Variants in FGR observed in about 807,000 individuals in gnomAD.
FGR encodes tyrosine-protein kinase Fgr.
FGR carries 26 observed loss-of-function variants against 63.2 expected under a neutral mutation model. The observed-to-expected ratio is 0.41, with a 90% CI of 0.30 to 0.57. The LOEUF (loss-of-function observed/expected upper bound fraction) is 0.57. FGR is among the 20% of genes least tolerant of loss of function. FGR has a pLI of 0.27. For missense variants in FGR, 511 were observed against 690.8 expected, an observed-to-expected ratio of 0.74 and a Z score of 2.92; for synonymous variants, 286 against 277.7, an observed-to-expected ratio of 1.03 and a Z score of -0.30.
At chr1:27,628,454 T>C (rs2090056689) in intron 1 of FGR, among the ~76,000 whole-genome samples, 2 of 151,190 alleles carry the variant, frequency 1.3e-5, no homozygotes, top group Non-Finnish European at 2.9e-5. Context: ...GATGCAGCCA[T>C]TCCTGCTAGC....
At chr1:27,625,944 C>T (rs2090014640) in intron 1 of FGR, 1 of 380,142 alleles carries the variant, frequency 2.6e-6, no homozygotes, top group Non-Finnish European at 4.7e-6. Context: ...ATCTCAAAAA[C>T]AAACAAACAA....
At chr1:27,634,001 T>C (rs2090141919) in intron 1 of FGR, among the ~76,000 whole-genome samples, 1 of 152,230 alleles carries the variant, frequency 6.6e-6, no homozygotes, top group South Asian at 2.1e-4. Flanking sequence ...CCAGTCTTGC[T>C]AAGAACCCAG....
chr1:27,613,606 G>A (rs111706829), intron 11 of FGR, among the ~76,000 whole-genome samples: 14,240 of 151,230 alleles, frequency 0.094, 2,270 homozygotes, highest in African/African-American at 0.33. Flanking sequence ...GGGAGGCTGC[G>A]GCAGGAGAAT....
rs1364013371 is a variant in FGR at position 27,615,097 on chromosome 1, G to A, written c.1019-171C>T. 6.9e-6 allele frequency among the ~76,000 whole-genome samples: 1 copy of A among 145,290 alleles called. No individual in the cohort carries two copies. Among genetic ancestry groups the A allele is most frequent in the African/African-American group, 2.5e-5 (1 of 39,442 alleles). On this transcript the variant is annotated intron_variant, in intron 9 of 12. Coordinates refer to ENST00000374005, the MANE Select transcript of FGR (RefSeq NM_005248.3). The surrounding 1 kb of genome is among the most constrained non-coding windows in gnomAD (Gnocchi z 7.6). ...TCGTCCTGGCCCTGCTGCCAGACAC[G>A]GACTCTGCCCACATCTCGTTTCTTC...
At chr1:27,622,041 G>A (rs977145441) in intron 4 of FGR, among the ~76,000 whole-genome samples, 1 of 152,134 alleles carries the variant, frequency 6.6e-6, no homozygotes, top group Non-Finnish European at 1.5e-5. Flanking sequence ...ACCAGGTGTG[G>A]TGGCTCATGC....
At chr1:27,619,127 G>A (rs2089872650) in intron 5 of FGR, among the ~76,000 whole-genome samples, 1 of 152,036 alleles carries the variant, frequency 6.6e-6, no homozygotes, top group South Asian at 2.1e-4. Context: ...GGGGTCCTAG[G>A]GCCAACCTTT....
At position 27,613,312 on chromosome 1, in the gene FGR, C is replaced by G. The variant is rs759921948; in HGVS notation, c.1288G>C (p.Ala430Pro). ...FPIKWTAPEA[A>P]LFGRFTIKSD... ...TTGATGGTGAATCTGCCAAAGAGGG[C>G]AGCTTCTGGGGCTGTCCACTTGATG... The change falls in exon 12 of 13, where the codon GCC becomes CCC. Residue 430 changes from alanine (A) to proline (P), a missense_variant. By Grantham distance (27) the Ala-to-Pro change is conservative. Transcript: ENST00000374005. 1 of 1,614,116 alleles carries G rather than the reference C, an allele frequency of 6.2e-7. No individual in the cohort carries two copies. Among genetic ancestry groups the G allele is most frequent in the Non-Finnish European group, 8.5e-7 (1 of 1,180,004 alleles).
chr1:27,623,830 C>T lies in FGR; in HGVS notation c.87G>A (p.Gly29=). The T allele has an allele frequency of 6.2e-7, 1 of 1,614,154 alleles. No homozygotes were observed. The highest frequency in any genetic ancestry group is 8.5e-7 in the Non-Finnish European group (1 of 1,179,988). ...GGTCAGGCCCATAGTGGTCTGCTGC[C>T]CCGTAGCTTCTGAAGTCCCCTTCCA... ...AGLEGDFRSY[G]AADHYGPDPT... is the part of the protein sequence containing the mutation. The change falls in exon 3 of 13, where the codon GGG becomes GGA. Residue 29 remains glycine, a synonymous_variant. Coordinates refer to ENST00000374005, the MANE Select transcript of FGR (RefSeq NM_005248.3).
At position 27,617,511 on chromosome 1, in the gene FGR, C is replaced by T. The variant is rs1044218508; in HGVS notation, c.429-215G>A. On this transcript the variant is annotated intron_variant, in intron 5 of 12. Coordinates refer to ENST00000374005, the MANE Select transcript of FGR (RefSeq NM_005248.3). This position sits in a 1 kb window ranked among gnomAD's most constrained non-coding sequence, Gnocchi z 4.5. The stretch of plus-strand genomic sequence containing the variant: ...CCCTGCAAAGGTTAGCATCTCTTCT[C>T]GTTAGGTTTCTCTTGAATTAAAATT... Among the ~76,000 whole-genome samples the T allele has an allele frequency of 7.2e-5, 11 of 152,140 alleles. No homozygotes were observed. The highest frequency in any genetic ancestry group is 1.9e-4 in the African/African-American group (8 of 41,412).
At position 27,625,164 on chromosome 1, in the gene FGR, C is replaced by G. The variant is rs1470329256; in HGVS notation, c.-76-13G>C. ...AGGGGTCAGAGACCTGAGGGTGAGA[C>G]AGAAGGACAAGGAAGATGAAGTCTC... On this transcript the variant is annotated splice_polypyrimidine_tract_variant and intron_variant, in intron 1 of 12. Transcript: ENST00000374005. 2 of 152,726 alleles carry G rather than the reference C, an allele frequency of 1.3e-5. No individual in the cohort carries two copies. Among genetic ancestry groups the G allele is most frequent in the African/African-American group, 4.8e-5 (2 of 41,424 alleles). 9.5% of individuals were successfully genotyped at this position (152,726 alleles called of 1,614,324 possible). A position where few individuals can be genotyped will look rare whatever the true frequency, so the allele number is the denominator to read the frequency against.
Position 27,615,647 on chromosome 1 carries a change from C to T in FGR, c.839-34G>A. 5.6e-6 allele frequency: 9 copies of T among 1,595,236 alleles called. No homozygotes were observed. The highest frequency in any genetic ancestry group is 7.7e-6 in the Non-Finnish European group (9 of 1,165,174). On this transcript the variant is annotated intron_variant, in intron 8 of 12. Coordinates refer to ENST00000374005, the MANE Select transcript of FGR (RefSeq NM_005248.3). This position sits in a 1 kb window ranked among gnomAD's most constrained non-coding sequence, Gnocchi z 7.6. Reference sequence around the variant, plus strand: ...AGGCTGTCTTGTCAGGACCCTCTCCCCCGAGCCCAGGCCCTCGTCCCGGCC... The same window carrying T: ...AGGCTGTCTTGTCAGGACCCTCTCCTCCGAGCCCAGGCCCTCGTCCCGGCC...
chr1:27,621,424 T>C (rs1275296751), intron 5 of FGR, 135 bp downstream of exon 5: 1 of 643,614 alleles, frequency 1.6e-6, no homozygotes, highest in Admixed American at 2.5e-5. Flanking sequence ...TCTTTTGTTC[T>C]CACAATGACC....
intron 1 of FGR, among the ~76,000 whole-genome samples, chr1:27,631,415 T>C (rs2090102728): frequency 6.6e-6 from 1 of 152,192 alleles, no homozygotes; most frequent in Non-Finnish European, 1.5e-5. Context: ...TTCTTTGATG[T>C]AGACACAGGA....
intron 1 of FGR, chr1:27,626,200 C>T: frequency 2.5e-6 from 1 of 398,724 alleles, no homozygotes; most frequent in Non-Finnish European, 4.4e-6. Context: ...GCAAGGGTCC[C>T]CCACACCCTG....
At chr1:27,621,918 G>A (rs1425648913) in intron 4 of FGR, among the ~76,000 whole-genome samples, 3 of 152,176 alleles carry the variant, frequency 2.0e-5, no homozygotes, top group African/African-American at 7.2e-5. Flanking sequence ...TTGGGCTGGG[G>A]ATTGGGAATT....
rs2089832960 is a variant in FGR at position 27,617,281 on chromosome 1, C to A, written c.444G>T (p.Lys148Asn). The change falls in exon 6 of 13, where the codon AAG becomes AAT. Residue 148 changes from lysine (K) to asparagine (N), a missense_variant. Lys to Asn is a moderately conservative substitution (Grantham distance 94). Coordinates refer to ENST00000374005, the MANE Select transcript of FGR (RefSeq NM_005248.3). This position sits in a 1 kb window ranked among gnomAD's most constrained non-coding sequence, Gnocchi z 4.5. The part of the protein sequence containing the change: ...SIQAEEWYFG[K>N]IGRKDAERQL... Reference sequence around the variant, plus strand: ...GCCTCTCTGCATCCTTTCTCCCAATCTTTCCAAAGTACCACCTGTTGGGAA... The same window carrying A: ...GCCTCTCTGCATCCTTTCTCCCAATATTTCCAAAGTACCACCTGTTGGGAA... 1 of 1,614,030 alleles carries A rather than the reference C, an allele frequency of 6.2e-7. No homozygotes were observed. The highest frequency in any genetic ancestry group is 1.6e-4 in the Middle Eastern group (1 of 6,062).
At position 27,621,624 on chromosome 1, in the gene FGR, G is replaced by T; in HGVS notation, c.363C>A (p.Ser121Arg). Reference sequence around the variant, plus strand: ...TGGGAATGCAGCCAGTTTTTCCGGAGCTGAGAGACCGAGCCTCCCACCAGT... The same window carrying T: ...TGGGAATGCAGCCAGTTTTTCCGGATCTGAGAGACCGAGCCTCCCACCAGT... The part of the protein sequence containing the change: ...EGDWWEARSL[S>R]SGKTGCIPSN... Residue 121 changes from serine to arginine, a missense_variant, in exon 5 of 13, where the codon AGC (serine) becomes AGA (arginine). Transcript: ENST00000374005. 1 of 1,613,984 alleles carries T rather than the reference G, an allele frequency of 6.2e-7. No individual in the cohort carries two copies. Among genetic ancestry groups the T allele is most frequent in the Non-Finnish European group, 8.5e-7 (1 of 1,179,942 alleles).
chr1:27,614,728 C>T, intron 10 of FGR, 122 bp downstream of exon 10: 3 of 1,315,718 alleles, frequency 2.3e-6, no homozygotes, highest in Non-Finnish European at 3.2e-6. Flanking sequence ...CTCTCAGGCA[C>T]AGCTGGAGGC....
chr1:27,618,698 A>G (rs1211461585), intron 5 of FGR, among the ~76,000 whole-genome samples: 1 of 152,022 alleles, frequency 6.6e-6, no homozygotes, highest in African/African-American at 2.4e-5. Flanking sequence ...GCTCAGTGAT[A>G]CCCACTTCCT....
Sources: gnomAD v4.1 joint callset for allele counts (sites outside exome capture counted in the v4.1 genomes callset) on GRCh38, gnomAD v4.1.1 for gene constraint, Gnocchi (gnomAD v3.1) non-coding constraint, MANE v1.5 for transcripts, NCBI Gene and HGNC (gene_info 2026-07-23, HGNC 2026-07-21) for gene names.